Variants in FOXP2 observed in about 807,000 individuals in gnomAD.
FOXP2 encodes the protein forkhead box P2.
Under a neutral mutation model 115.8 loss-of-function variants are expected in FOXP2, and 12 were observed. The observed-to-expected ratio is 0.10, with a 90% CI of 0.07 to 0.17. FOXP2 has a LOEUF of 0.17. FOXP2 is among the 10% of genes least tolerant of loss of function. FOXP2 has a pLI of 1.00. For synonymous variants in FOXP2, 328 were observed against 297.7 expected, an observed-to-expected ratio of 1.10 and a Z score of -1.05; for missense variants, 629 against 843.5, an observed-to-expected ratio of 0.75 and a Z score of 3.15.
chr7:114,521,936 C>T (rs1462827079), intron 2 of FOXP2, among the ~76,000 whole-genome samples: 1 of 152,032 alleles, frequency 6.6e-6, no homozygotes, highest in Non-Finnish European at 1.5e-5. Context: ...TATCTGGAAC[C>T]AGCTAAAATA....
At chr7:114,470,475 A>G (rs1795997454) in intron 2 of FOXP2, among the ~76,000 whole-genome samples, 2 of 152,082 alleles carry the variant, frequency 1.3e-5, no homozygotes, top group Admixed American at 1.3e-4. Flanking sequence ...TTATTTTATT[A>G]ACATTTGTCT....
rs1232534199 is a variant in FOXP2 at position 114,415,133 on chromosome 7, T to C, written c.-238T>C. On this transcript the variant is annotated 5_prime_UTR_variant, in exon 1 of 17. It removes an upstream start codon present in the reference 5' UTR. Transcript: ENST00000350908. ...ATTTGTTTTAATTACCAGCACAAAATGCCATCAGTCTGGGACGTGATCGGG... is the reference window on the plus strand; with the variant it reads ...ATTTGTTTTAATTACCAGCACAAAACGCCATCAGTCTGGGACGTGATCGGG... 1 of 454,196 alleles carries C rather than the reference T, an allele frequency of 2.2e-6. No individual in the cohort carries two copies. Among genetic ancestry groups the C allele is most frequent in the Non-Finnish European group, 4.4e-6 (1 of 226,696 alleles). The allele number at this position is 454,196 out of a possible 1,614,324, so 28.1% of individuals were successfully genotyped here. A position where few individuals can be genotyped will look rare whatever the true frequency, so the allele number is the denominator to read the frequency against.
chr7:114,103,401 T>C (rs1791036434), intron 1 of FOXP2, among the ~76,000 whole-genome samples: 1 of 152,046 alleles, frequency 6.6e-6, no homozygotes, highest in Non-Finnish European at 1.5e-5. Flanking sequence ...AGTGGCTCTT[T>C]AGGTTTTAAA....
chr7:114,271,913 TTATAA>T (rs1315112315), intron 1 of FOXP2, among the ~76,000 whole-genome samples: 4 of 128,964 alleles, frequency 3.1e-5, no homozygotes, highest in Non-Finnish European at 6.2e-5. Flanking sequence ...ATTAATATAA[TTATAA>T]TATAATTATT....
intron 2 of FOXP2, among the ~76,000 whole-genome samples, chr7:114,517,283 C>A (rs1798392028): frequency 6.6e-6 from 1 of 152,028 alleles, no homozygotes; most frequent in African/African-American, 2.4e-5. Flanking sequence ...AATATATTCT[C>A]CCATTCCATA....
chr7:114,153,912 C>T (rs1374480956), intron 1 of FOXP2, among the ~76,000 whole-genome samples: 1 of 152,082 alleles, frequency 6.6e-6, no homozygotes, highest in African/African-American at 2.4e-5. Context: ...CTTGATGTGC[C>T]TTATTTAGAT....
intron 1 of FOXP2, among the ~76,000 whole-genome samples, chr7:114,202,713 T>A (rs1794098308): frequency 6.6e-6 from 1 of 152,202 alleles, no homozygotes; most frequent in African/African-American, 2.4e-5. Flanking sequence ...AGTTACTTAA[T>A]CTCTAATTTG....
chr7:114,644,830 AT>A, intron 8 of FOXP2, 41 bp downstream of exon 8: 1 of 1,423,780 alleles, frequency 7.0e-7, no homozygotes, highest in Non-Finnish European at 9.9e-7. Context: ...CGGGGGCTGG[AT>A]TATATGGGCA....
chr7:114,642,982 G>A (rs1350769505), intron 7 of FOXP2, among the ~76,000 whole-genome samples: 1 of 150,396 alleles, frequency 6.6e-6, no homozygotes, highest in South Asian at 2.1e-4. Flanking sequence ...CTAATTTTTT[G>A]TATTTTTTTT....
At chr7:114,371,067 C>A (rs1791992480) in intron 2 of FOXP2, among the ~76,000 whole-genome samples, 1 of 152,008 alleles carries the variant, frequency 6.6e-6, no homozygotes, top group East Asian at 1.9e-4. Flanking sequence ...TAAGCATATT[C>A]CTTATCTCAA....
chr7:114,194,814 CTT>C (rs1255058906), intron 1 of FOXP2, among the ~76,000 whole-genome samples: 2 of 152,006 alleles, frequency 1.3e-5, no homozygotes, highest in African/African-American at 4.8e-5. Flanking sequence ...AATTTTGCCT[CTT>C]ATTAAATCTT....
At chr7:114,475,815 T>C (rs188915253) in intron 2 of FOXP2, among the ~76,000 whole-genome samples, 1 of 152,020 alleles carries the variant, frequency 6.6e-6, no homozygotes, top group East Asian at 1.9e-4. Context: ...GCATTGAAAC[T>C]AATATCTATA....
chr7:114,664,143 A>G, intron 15 of FOXP2, 130 bp from the exon 16 acceptor site: 1 of 1,070,506 alleles, frequency 9.3e-7, no homozygotes, highest in Non-Finnish European at 1.3e-6. Flanking sequence ...ATTTTTTTTC[A>G]ATACATTTTC....
intron 2 of FOXP2, among the ~76,000 whole-genome samples, chr7:114,453,139 A>G (rs1275493014): frequency 6.6e-6 from 1 of 152,126 alleles, no homozygotes; most frequent in Non-Finnish European, 1.5e-5. Context: ...GTGAACTGTG[A>G]CTAATATGAA....
intron 3 of FOXP2, among the ~76,000 whole-genome samples, chr7:114,573,272 C>T (rs1423052783): frequency 1.3e-5 from 2 of 151,730 alleles, no homozygotes; most frequent in Admixed American, 6.6e-5. Flanking sequence ...ATATAAACTT[C>T]AGCATGCTAA....
chr7:114,611,978 A>T (rs1803653116), intron 3 of FOXP2, among the ~76,000 whole-genome samples: 1 of 152,170 alleles, frequency 6.6e-6, no homozygotes, highest in African/African-American at 2.4e-5. Context: ...ATGAAAAATA[A>T]TTTAGGTTCA....
chr7:114,191,768 T>A (rs1450330437), intron 1 of FOXP2, among the ~76,000 whole-genome samples: 1 of 152,152 alleles, frequency 6.6e-6, no homozygotes, highest in Non-Finnish European at 1.5e-5. Flanking sequence ...TGTGATACAG[T>A]ATTATTAGCC....
At chr7:114,324,083 A>C (rs955620532) in intron 2 of FOXP2, among the ~76,000 whole-genome samples, 27 of 151,992 alleles carry the variant, frequency 1.8e-4, no homozygotes, top group South Asian at 8.3e-4. Context: ...TTACACATAG[A>C]ATCTGTTGTT....
chr7:114,140,164 C>A (rs1792166096), intron 1 of FOXP2, among the ~76,000 whole-genome samples: 1 of 152,040 alleles, frequency 6.6e-6, no homozygotes. Flanking sequence ...ATGTGCAATC[C>A]TGCAGACTTT....
Sources: gnomAD v4.1 joint callset for allele counts (sites outside exome capture counted in the v4.1 genomes callset) on GRCh38, gnomAD v4.1.1 for gene constraint, MANE v1.5 for transcripts, NCBI Gene and HGNC (gene_info 2026-07-23, HGNC 2026-07-21) for gene names.